ZNF831: variants seen among roughly 807,000 people sequenced by gnomAD.
The protein encoded by ZNF831 is zinc finger protein 831, also known as chromosome 20 open reading frame 174.
Under a neutral mutation model 95.8 loss-of-function variants are expected in ZNF831, and 59 were observed. The ratio of observed to expected loss-of-function variants is 0.62; its 90% CI spans 0.50 to 0.77. The LOEUF is 0.77. ZNF831 is among the 30% of genes least tolerant of loss of function. ZNF831 has a pLI of 0.00. For synonymous variants in ZNF831, 961 were observed against 925.5 expected (o/e 1.04, Z -0.70); for missense variants, 2,205 against 2,164.0 (o/e 1.02, Z -0.38).
intron 1 of ZNF831, among the ~76,000 whole-genome samples, chr20:59,136,014 G>A (rs957215967): frequency 2.0e-5 from 3 of 152,136 alleles, no homozygotes; most frequent in Admixed American, 6.5e-5. Flanking sequence ...GGAAGCCCTG[G>A]GGAAGAATCC....
At chr20:59,224,369 C>G (rs933115450) in intron 4 of ZNF831, among the ~76,000 whole-genome samples, 5 of 151,990 alleles carry the variant, frequency 3.3e-5, no homozygotes, top group Non-Finnish European at 7.4e-5. Flanking sequence ...CTCTCCTGCA[C>G]CCTAGGGCAG....
In ZNF831 at chr20:59,227,579, A is replaced by G. The variant is rs202135987; in HGVS notation, c.4027+20523A>G. On this transcript the variant is annotated intron_variant, in intron 4 of 5. Transcript: ENST00000371030. ...TACAGGGATATTTGGGAGCAACTCT[A>G]TCTTCTCATGCATTATTTTAAACAA... 4.6e-5 allele frequency among the ~76,000 whole-genome samples: 7 copies of G among 152,262 alleles called. No homozygotes were observed. The East Asian group carries it at 5.8e-4, about 13-fold the overall frequency.
chr20:59,172,423 G>T (rs574611212), intron 1 of ZNF831, among the ~76,000 whole-genome samples: 2 of 152,150 alleles, frequency 1.3e-5, no homozygotes, highest in African/African-American at 4.8e-5. Flanking sequence ...GCTCTTCCTG[G>T]CCTGGAAAAA....
rs2146771237 is a variant in ZNF831 at position 59,254,520 on chromosome 20, C to T, written c.4811C>T (p.Pro1604Leu). 1.2e-6 allele frequency: 2 copies of T among 1,614,074 alleles called. No individual in the cohort carries two copies. The highest frequency in any genetic ancestry group is 1.7e-6 in the Non-Finnish European group (2 of 1,180,024). Reference sequence around the variant, plus strand: ...TATGGGTGTGGGGAAATGACTGTCCCCTGCCCCTCTTTAGGAAGTGACGGT... The same window carrying T: ...TATGGGTGTGGGGAAATGACTGTCCTCTGCCCCTCTTTAGGAAGTGACGGT... Reference protein sequence around the residue: ...GQYGCGEMTVPCPSLGSDGRK... With the variant: ...GQYGCGEMTVLCPSLGSDGRK... The change falls in exon 6 of 6, where the codon CCC becomes CTC. Residue 1604 changes from proline to leucine, a missense_variant. Physicochemically the swap from Pro to Leu is moderately conservative, Grantham distance 98. Transcript: ENST00000371030. This position sits in a 1 kb window ranked among gnomAD's most constrained non-coding sequence, Gnocchi z 4.5.
chr20:59,221,011 T>C (rs1986038033), intron 4 of ZNF831, among the ~76,000 whole-genome samples: 1 of 152,202 alleles, frequency 6.6e-6, no homozygotes. Context: ...ATGAAGCCTG[T>C]CCAGGAATAC....
intron 4 of ZNF831, among the ~76,000 whole-genome samples, chr20:59,228,993 C>T (rs765000924): frequency 3.9e-4 from 59 of 152,198 alleles, no homozygotes; most frequent in Non-Finnish European, 7.4e-4. Flanking sequence ...CTGTTAACCA[C>T]CATTCTACTC....
At chr20:59,154,775 C>G (rs572508638) in intron 2 of ZNF831, among the ~76,000 whole-genome samples, 2 of 152,210 alleles carry the variant, frequency 1.3e-5, no homozygotes, top group Non-Finnish European at 2.9e-5. Flanking sequence ...TTGGCACTCA[C>G]CGCACCGTCT....
At chr20:59,230,476 T>C (rs889299945) in intron 4 of ZNF831, among the ~76,000 whole-genome samples, 2 of 150,502 alleles carry the variant, frequency 1.3e-5, no homozygotes, top group Admixed American at 6.6e-5. Flanking sequence ...TGAGACTCTG[T>C]CTCACAAAAA....
chr20:59,186,239 A>G (rs1470514057), intron 1 of ZNF831, among the ~76,000 whole-genome samples: 2 of 152,034 alleles, frequency 1.3e-5, no homozygotes, highest in African/African-American at 4.8e-5. Context: ...TCCTGGGATC[A>G]CCTCCCAAAT....
At chr20:59,154,282 A>G (rs578147570) in intron 2 of ZNF831, among the ~76,000 whole-genome samples, 1 of 152,312 alleles carries the variant, frequency 6.6e-6, no homozygotes, top group Non-Finnish European at 1.5e-5. Context: ...CTTCTCCAAG[A>G]ATGCACACAT....
At chr20:59,209,824 A>C (rs1017092112) in intron 4 of ZNF831, among the ~76,000 whole-genome samples, 40 of 152,076 alleles carry the variant, frequency 2.6e-4, no homozygotes, top group African/African-American at 9.4e-4. Context: ...GCCTCTGCCT[A>C]CATCTTCATG....
At chr20:59,137,425 A>T (rs1601291387) in intron 1 of ZNF831, among the ~76,000 whole-genome samples, 1 of 152,004 alleles carries the variant, frequency 6.6e-6, no homozygotes, top group East Asian at 1.9e-4. Context: ...ATGTTACTTG[A>T]CATCTCTGGG....
chr20:59,154,820 ATCTT>A (rs568725790), intron 2 of ZNF831, among the ~76,000 whole-genome samples: 1 of 152,070 alleles, frequency 6.6e-6, no homozygotes, highest in Non-Finnish European at 1.5e-5. Context: ...CTGGGGCTGA[ATCTT>A]TCTTATCTCC....
chr20:59,254,154 C>G lies in ZNF831; in HGVS notation c.4445C>G (p.Pro1482Arg), dbSNP rs780393019. 1.2e-6 allele frequency: 2 copies of G among 1,614,092 alleles called. No individual in the cohort carries two copies. The highest frequency in any genetic ancestry group is 1.1e-5 in the South Asian group (1 of 91,080). The change falls in exon 6 of 6, where the codon CCC becomes CGC. Residue 1482 changes from proline (P) to arginine (R), a missense_variant. Transcript: ENST00000371030. This position sits in a 1 kb window ranked among gnomAD's most constrained non-coding sequence, Gnocchi z 4.5. ...PSSFGSKGTF[P>R]HHDIATSVAA... ...TCCTTTGGGTCCAAAGGAACTTTTCCCCACCATGACATTGCTACCTCTGTG... is the reference window on the plus strand; with the variant it reads ...TCCTTTGGGTCCAAAGGAACTTTTCGCCACCATGACATTGCTACCTCTGTG...
intron 4 of ZNF831, among the ~76,000 whole-genome samples, chr20:59,240,630 T>A (rs1268776273): frequency 6.6e-6 from 1 of 151,734 alleles, no homozygotes; most frequent in Non-Finnish European, 1.5e-5. Context: ...TGAAACCCCG[T>A]CTCTACTAAA....
At position 59,194,156 on chromosome 20, in the gene ZNF831, G is replaced by T; in HGVS notation, c.3137G>T (p.Gly1046Val). 1 of 1,578,248 alleles carries T rather than the reference G, an allele frequency of 6.3e-7. No individual in the cohort carries two copies. Among genetic ancestry groups the T allele is most frequent in the South Asian group, 1.2e-5 (1 of 84,416 alleles). The change falls in exon 2 of 6, where the codon GGG (glycine) becomes GTG (valine). Residue 1046 changes from glycine to valine, a missense_variant. Physicochemically the swap from Gly to Val is moderately radical, Grantham distance 109. Transcript: ENST00000371030. ...AARELPISAPGAPREATSSPP... is the reference protein window; with the variant it reads ...AARELPISAPVAPREATSSPP... ...AGGGAGTTGCCCATCTCAGCACCAGGGGCTCCCAGGGAGGCTACCTCCTCC... is the reference window on the plus strand; with the variant it reads ...AGGGAGTTGCCCATCTCAGCACCAGTGGCTCCCAGGGAGGCTACCTCCTCC...
chr20:59,202,400 C>A (rs964732464), intron 3 of ZNF831, among the ~76,000 whole-genome samples: 2 of 146,258 alleles, frequency 1.4e-5, no homozygotes, highest in African/African-American at 5.1e-5. Context: ...AGTCTTGGCA[C>A]ATCTGACTCT....
chr20:59,228,891 A>T (rs6100372), intron 4 of ZNF831, among the ~76,000 whole-genome samples: 1 of 152,184 alleles, frequency 6.6e-6, no homozygotes, highest in African/African-American at 2.4e-5. Flanking sequence ...TTACTGTACT[A>T]TCAAATACTA....
intron 2 of ZNF831, among the ~76,000 whole-genome samples, chr20:59,152,671 T>G (rs1184826207): frequency 6.6e-6 from 1 of 152,112 alleles, no homozygotes; most frequent in Non-Finnish European, 1.5e-5. Context: ...TGCCCGAGGC[T>G]TCCCTGAGGG....
Sources: allele counts gnomAD v4.1 joint callset (sites outside exome capture counted in the v4.1 genomes callset), GRCh38; gene constraint gnomAD v4.1.1; non-coding constraint Gnocchi (gnomAD v3.1); transcripts MANE v1.5; gene names NCBI Gene and HGNC (gene_info 2026-07-23, HGNC 2026-07-21).